Variants in LGR6 observed in about 807,000 individuals in gnomAD.
LGR6 encodes the protein leucine-rich repeat-containing G protein-coupled receptor 6.
In LGR6, 45 loss-of-function variants were observed where a neutral mutation model predicts 69.4. The observed-to-expected ratio is 0.65, with a 90% CI of 0.51 to 0.83. LGR6 has a LOEUF of 0.83. Among genes scored for constraint, LGR6 ranks in the 40% least tolerant of loss-of-function variants. LGR6 has a pLI of 0.00. For missense variants in LGR6, 1,108 were observed against 1,246.7 expected, an observed-to-expected ratio of 0.89 and a Z score of 1.68; for synonymous variants, 538 against 555.0, an observed-to-expected ratio of 0.97 and a Z score of 0.43.
At chr1:202,314,687 A>G (rs1360885069) in intron 16 of LGR6, 115 bp from the exon 17 acceptor site, 2 of 736,408 alleles carry the variant, frequency 2.7e-6, no homozygotes, top group African/African-American at 3.5e-5. Context: ...GCTAGAATGA[A>G]CAGTGCTGAG....
At chr1:202,249,839 G>T (rs2148055740) in intron 4 of LGR6, among the ~76,000 whole-genome samples, 1 of 152,176 alleles carries the variant, frequency 6.6e-6, no homozygotes, top group East Asian at 1.9e-4. Context: ...CTCCTTACAG[G>T]CCCCCAGCTT....
intron 4 of LGR6, among the ~76,000 whole-genome samples, chr1:202,276,012 G>GGTT (rs760952935): frequency 2.6e-5 from 4 of 152,122 alleles, no homozygotes; most frequent in Non-Finnish European, 5.9e-5. Flanking sequence ...AAGAACTGTG[G>GGTT]GTTGGTGGGA....
intron 4 of LGR6, among the ~76,000 whole-genome samples, chr1:202,253,962 C>G (rs1214807642): frequency 6.6e-6 from 1 of 150,868 alleles, no homozygotes; most frequent in African/African-American, 2.4e-5. Flanking sequence ...CCCGCCACTA[C>G]GCCCGGCTAA....
Position 202,268,096 on chromosome 1 carries a change from G to A in LGR6, c.429-8210G>A, listed in dbSNP as rs2148129941. Among the ~76,000 whole-genome samples, 1 of 152,362 alleles carries A rather than the reference G, an allele frequency of 6.6e-6. No homozygotes were observed. Among genetic ancestry groups the A allele is most frequent in the East Asian group, 1.9e-4 (1 of 5,186 alleles). On this transcript the variant is annotated intron_variant, in intron 4 of 17. Coordinates refer to ENST00000367278, the MANE Select transcript of LGR6 (RefSeq NM_001017403.2). The surrounding 1 kb of genome is among the most constrained non-coding windows in gnomAD (Gnocchi z 4.4). ...GAAGCTCATGAGCATCCGTGCCTGA[G>A]TTGGTGGAGTCTGTGGGTACAGATT...
intron 1 of LGR6, among the ~76,000 whole-genome samples, chr1:202,207,992 G>A (rs1015898093): frequency 1.3e-5 from 2 of 152,172 alleles, no homozygotes; most frequent in African/African-American, 2.4e-5. Flanking sequence ...CCAAGTGAGC[G>A]CCTGGACTTG....
chr1:202,227,617 G>A (rs1460610472), intron 2 of LGR6, among the ~76,000 whole-genome samples: 3 of 152,116 alleles, frequency 2.0e-5, no homozygotes, highest in East Asian at 1.9e-4. Flanking sequence ...AACTGTGGCC[G>A]TGAGCCTTCA....
At chr1:202,277,253 GC>G (rs1665639483) in intron 5 of LGR6, among the ~76,000 whole-genome samples, 1 of 152,016 alleles carries the variant, frequency 6.6e-6, no homozygotes, top group Admixed American at 6.6e-5. Context: ...TTGCCCCCAC[GC>G]CCCCCGCTTT....
chr1:202,278,751 G>C (rs1433567696), intron 5 of LGR6, among the ~76,000 whole-genome samples: 1 of 152,118 alleles, frequency 6.6e-6, no homozygotes, highest in Non-Finnish European at 1.5e-5. Context: ...GTTGTACAGG[G>C]GCCTGGCTGG....
chr1:202,215,176 A>C (rs1659695782), intron 1 of LGR6, among the ~76,000 whole-genome samples: 3 of 152,180 alleles, frequency 2.0e-5, no homozygotes, highest in Admixed American at 2.0e-4. Flanking sequence ...TTCCACCCCC[A>C]GACACACCCT....
At chr1:202,196,435 G>T (rs1658643069) in intron 1 of LGR6, among the ~76,000 whole-genome samples, 1 of 152,106 alleles carries the variant, frequency 6.6e-6, no homozygotes, top group African/African-American at 2.4e-5. Context: ...GTCCAGCTTG[G>T]CCCTGCCCCA....
chr1:202,235,877 C>A (rs775908100), intron 3 of LGR6, 45 bp from the exon 4 acceptor site: 45 of 1,575,898 alleles, frequency 2.9e-5, no homozygotes, highest in Middle Eastern at 3.3e-4. Context: ...CCAGCCAGCT[C>A]TGCATACCAT....
At chr1:202,244,717 T>G (rs78139363) in intron 4 of LGR6, among the ~76,000 whole-genome samples, 13,567 of 152,230 alleles carry the variant, frequency 0.089, 1,137 homozygotes, top group African/African-American at 0.21. Flanking sequence ...TTCTAAATAA[T>G]GTCCCATTTA....
chr1:202,301,245 C>T lies in LGR6; in HGVS notation c.929+10C>T, dbSNP rs779527512. 2 of 1,612,032 alleles carry T rather than the reference C, an allele frequency of 1.2e-6. No homozygotes were observed. Among genetic ancestry groups the T allele is most frequent in the Non-Finnish European group, 8.5e-7 (1 of 1,178,098 alleles). Reference sequence around the variant, plus strand: ...CTAAACTCCACACACTGTAAGTTGGCTCCTGAAGGCTGCTGCAGCCTGAAC... The same window carrying T: ...CTAAACTCCACACACTGTAAGTTGGTTCCTGAAGGCTGCTGCAGCCTGAAC... On this transcript the variant is annotated intron_variant, in intron 9 of 17. Transcript: ENST00000367278.
At chr1:202,264,797 G>A (rs553872789) in intron 4 of LGR6, among the ~76,000 whole-genome samples, 1 of 152,242 alleles carries the variant, frequency 6.6e-6, no homozygotes, top group South Asian at 2.1e-4. Context: ...TAGCTTGGAG[G>A]AATGCTCAGG....
chr1:202,309,225 T>C (rs544421434), intron 15 of LGR6, 49 bp downstream of exon 15: 1 of 1,604,540 alleles, frequency 6.2e-7, no homozygotes, highest in Non-Finnish European at 8.5e-7. Context: ...CTGGAGACCC[T>C]GGAGGGACAG....
At chr1:202,227,591 G>A (rs527979306) in intron 2 of LGR6, among the ~76,000 whole-genome samples, 2 of 152,294 alleles carry the variant, frequency 1.3e-5, no homozygotes, top group East Asian at 3.9e-4. Context: ...GGTTAGCACA[G>A]GAGAGGATGT....
At chr1:202,232,467 C>G (rs996946474) in intron 3 of LGR6, among the ~76,000 whole-genome samples, 1 of 152,120 alleles carries the variant, frequency 6.6e-6, no homozygotes, top group African/African-American at 2.4e-5. Context: ...TATTCCTTCC[C>G]CAGAGACTTT....
chr1:202,200,191 C>T (rs1658791669), intron 1 of LGR6, among the ~76,000 whole-genome samples: 1 of 152,224 alleles, frequency 6.6e-6, no homozygotes, highest in Non-Finnish European at 1.5e-5. Context: ...CCAGGGGATG[C>T]CCGGAGGAGC....
chr1:202,198,048 C>T (rs1823696), intron 1 of LGR6, among the ~76,000 whole-genome samples: 87,217 of 152,116 alleles, frequency 0.57, 25,114 homozygotes, highest in South Asian at 0.7. Context: ...CTGCTGATTG[C>T]TTTCTTACGA....
Sources: allele counts gnomAD v4.1 joint callset (sites outside exome capture counted in the v4.1 genomes callset), GRCh38; gene constraint gnomAD v4.1.1; non-coding constraint Gnocchi (gnomAD v3.1); transcripts MANE v1.5; gene names NCBI Gene and HGNC (gene_info 2026-07-23, HGNC 2026-07-21).